BMAL1: variants seen among roughly 807,000 people sequenced by gnomAD.
BMAL1 encodes the protein basic helix-loop-helix ARNT like 1.
chr11:13,381,104 A>AAC, the BMAL1 span: 4 of 1,570,162 alleles, frequency 2.5e-6, no homozygotes, highest in African/African-American at 5.4e-5. Flanking sequence ...ACCCCTTAAC[A>AAC]AAGCACATAC....
chr11:13,284,259 TATATATA>T, the BMAL1 span, among the ~76,000 whole-genome samples: 113 of 67,608 alleles, frequency 1.7e-3, 10 homozygotes, highest in African/African-American at 5.6e-3. Context: ...TATATATATA[TATATATA>T]TTTTTTTTTT....
chr11:13,280,106 A>G, the BMAL1 span, among the ~76,000 whole-genome samples: 31 of 152,248 alleles, frequency 2.0e-4, no homozygotes, highest in Non-Finnish European at 4.1e-4. Flanking sequence ...TATTTAATAC[A>G]TTTGAATTCA....
chr11:13,301,824 G>A, the BMAL1 span, among the ~76,000 whole-genome samples: 2 of 152,146 alleles, frequency 1.3e-5, no homozygotes, highest in Admixed American at 6.5e-5. Flanking sequence ...ACCAAATGAG[G>A]TACTGTTATT....
chr11:13,367,818 G>C, the BMAL1 span, among the ~76,000 whole-genome samples: 911 of 151,776 alleles, frequency 6.0e-3, 7 homozygotes, highest in African/African-American at 0.021. Context: ...ACCTCTCTCT[G>C]TCTCAGTTTT....
At chr11:13,385,885 A>G in the BMAL1 span, 2 of 925,028 alleles carry the variant, frequency 2.2e-6, no homozygotes, top group South Asian at 3.1e-5. Context: ...GAAACAAGCT[A>G]ATCCTAGATA....
the BMAL1 span, among the ~76,000 whole-genome samples, chr11:13,377,636 C>A: frequency 4.5e-4 from 68 of 152,292 alleles, no homozygotes; most frequent in African/African-American, 1.5e-3. Flanking sequence ...CTTTGGTACT[C>A]CTCATTCCCT....
chr11:13,354,220 CA>C, the BMAL1 span: 20 of 1,418,616 alleles, frequency 1.4e-5, no homozygotes, highest in African/African-American at 2.9e-5. Context: ...ACCAAACCCC[CA>C]AGCACCAACC....
the BMAL1 span, among the ~76,000 whole-genome samples, chr11:13,300,122 T>A: frequency 6.6e-6 from 1 of 152,186 alleles, no homozygotes; most frequent in East Asian, 1.9e-4. Context: ...CTCTTAACAT[T>A]ACGCCCCAGC....
chr11:13,375,220 T>C, the BMAL1 span, among the ~76,000 whole-genome samples: 1 of 152,202 alleles, frequency 6.6e-6, no homozygotes, highest in Non-Finnish European at 1.5e-5. Flanking sequence ...CTCTGTTGAT[T>C]TGGATGTTCT....
chr11:13,373,530 T>A, the BMAL1 span, among the ~76,000 whole-genome samples: 1 of 152,172 alleles, frequency 6.6e-6, no homozygotes, highest in Non-Finnish European at 1.5e-5. Context: ...TAAAGACAGA[T>A]CTCAGTCTGT....
the BMAL1 span, among the ~76,000 whole-genome samples, chr11:13,325,903 G>A: frequency 3.3e-4 from 50 of 151,616 alleles, no homozygotes; most frequent in Admixed American, 7.2e-4. Context: ...AGTGAGAAGC[G>A]GGGAAAGAGT....
chr11:13,378,172 G>T, the BMAL1 span: 2 of 593,740 alleles, frequency 3.4e-6, no homozygotes, highest in Non-Finnish European at 4.2e-6. Flanking sequence ...GCCTTTCCCT[G>T]CTGGAATGCC....
chr11:13,303,700 C>T, the BMAL1 span, among the ~76,000 whole-genome samples: 207 of 152,162 alleles, frequency 1.4e-3, 1 homozygote, highest in Middle Eastern at 0.02. Flanking sequence ...AATGCTGGAG[C>T]GTGAGGAAGA....
At chr11:13,302,136 AG>A in the BMAL1 span, among the ~76,000 whole-genome samples, 1 of 152,112 alleles carries the variant, frequency 6.6e-6, no homozygotes, top group East Asian at 1.9e-4. Flanking sequence ...GTTTGGTGAG[AG>A]CCGTGAAGGG....
chr11:13,366,558 A>G, the BMAL1 span: 1 of 1,010,632 alleles, frequency 9.9e-7, no homozygotes, highest in Non-Finnish European at 1.5e-6. Context: ...TTGAGGTCTC[A>G]TGCACAAAAA....
the BMAL1 span, chr11:13,386,821 C>T: frequency 6.4e-7 from 1 of 1,562,626 alleles, no homozygotes; most frequent in Non-Finnish European, 8.7e-7. Context: ...GTTTTACAGT[C>T]TGTGAAGCTT....
At chr11:13,318,945 A>G in the BMAL1 span, among the ~76,000 whole-genome samples, 12 of 152,166 alleles carry the variant, frequency 7.9e-5, no homozygotes, top group Admixed American at 7.9e-4. Context: ...ACCTCCCCCA[A>G]CCTTTTCCAA....
At chr11:13,372,069 T>A in the BMAL1 span, 1 of 1,509,522 alleles carries the variant, frequency 6.6e-7, no homozygotes, top group Non-Finnish European at 8.9e-7. Flanking sequence ...TTTTATTTTT[T>A]GACTCCCTAC....
At chr11:13,352,338 C>T in the BMAL1 span, among the ~76,000 whole-genome samples, 1 of 152,158 alleles carries the variant, frequency 6.6e-6, no homozygotes, top group African/African-American at 2.4e-5. Flanking sequence ...GTATGTTTCT[C>T]CAGCCATGTC....
Sources: gnomAD v4.1 joint callset for allele counts (sites outside exome capture counted in the v4.1 genomes callset) on GRCh38, gnomAD v4.1.1 for gene constraint, MANE v1.5 for transcripts, NCBI Gene and HGNC (gene_info 2026-07-23, HGNC 2026-07-21) for gene names.